The following ZNF718 variants were observed in gnomAD, a reference collection of about 807,000 sequenced individuals.
ZNF718 encodes the protein zinc finger protein 718.
Under a neutral mutation model 2.6 loss-of-function variants are expected in ZNF718, and 3 were observed. The observed-to-expected ratio is 1.16, with a 90% CI of 0.53 to 3.01. The LOEUF is 3.01. Ranked by LOEUF, ZNF718 falls within the 30% of genes most tolerant of loss-of-function variation. The probability of loss-of-function intolerance (pLI) is 0.03; values close to 1 mark genes in which losing one functional copy is unlikely to be tolerated. For missense variants in ZNF718, 468 were observed against 230.0 expected (o/e 2.03, Z -6.69); for synonymous variants, 135 against 77.9 (o/e 1.73, Z -3.86).
At chr4:185,369 TTTG>T (rs1490718414) in intron 3 of ZNF718, among the ~76,000 whole-genome samples, 1 of 152,182 alleles carries the variant, frequency 6.6e-6, no homozygotes, top group Non-Finnish European at 1.5e-5. Flanking sequence ...TGAGACACTG[TTTG>T]TTATGATTTT....
At chr4:192,887 C>T (rs946532981) in intron 3 of ZNF718, among the ~76,000 whole-genome samples, 2 of 152,190 alleles carry the variant, frequency 1.3e-5, no homozygotes, top group Non-Finnish European at 2.9e-5. Flanking sequence ...GCACACTTCA[C>T]AGGCCCTGAC....
At chr4:192,880 C>T (rs781916730) in intron 3 of ZNF718, among the ~76,000 whole-genome samples, 16 of 152,210 alleles carry the variant, frequency 1.1e-4, no homozygotes, top group East Asian at 1.9e-4. Context: ...TTCTTCAGCA[C>T]ACTTCACAGG....
chr4:136,452 C>G (rs576233631), intron 3 of ZNF718: 4 of 522,516 alleles, frequency 7.7e-6, no homozygotes, highest in South Asian at 2.8e-5. Flanking sequence ...GAGTTTGAGA[C>G]AGGTTGCAGA....
chr4:183,778 G>A (rs1717511653), intron 3 of ZNF718, among the ~76,000 whole-genome samples: 1 of 152,018 alleles, frequency 6.6e-6, no homozygotes, highest in African/African-American at 2.4e-5. Context: ...GTTATGAATG[G>A]GAGTTCATTA....
At chr4:142,095 G>T (rs1446228427) in intron 3 of ZNF718, 2 of 518,996 alleles carry the variant, frequency 3.9e-6, no homozygotes, top group East Asian at 1.1e-4. Context: ...TAGGTTAACG[G>T]GTTTTGATAA....
intron 3 of ZNF718, among the ~76,000 whole-genome samples, chr4:193,782 G>A (rs1270394734): frequency 6.6e-6 from 1 of 152,128 alleles, no homozygotes; most frequent in Admixed American, 6.5e-5. Context: ...GCTGGCACTT[G>A]CCCCAGGCAC....
intron 3 of ZNF718, among the ~76,000 whole-genome samples, chr4:188,031 G>A (rs956925531): frequency 2.6e-5 from 4 of 152,132 alleles, no homozygotes; most frequent in Admixed American, 2.0e-4. Context: ...GCCATGCCTC[G>A]ACAAAACAGC....
chr4:160,199 T>G (rs1195747677), intron 3 of ZNF718, among the ~76,000 whole-genome samples: 1 of 152,188 alleles, frequency 6.6e-6, no homozygotes, highest in Non-Finnish European at 1.5e-5. Flanking sequence ...AAACCAGAAG[T>G]AGGAATGCGT....
chr4:190,765 G>A (rs981274718), intron 3 of ZNF718, among the ~76,000 whole-genome samples: 1 of 152,050 alleles, frequency 6.6e-6, no homozygotes. Context: ...TTTCAACTGA[G>A]CGTGGTGGCT....
At chr4:193,032 G>C (rs955358554) in intron 3 of ZNF718, among the ~76,000 whole-genome samples, 1 of 152,158 alleles carries the variant, frequency 6.6e-6, no homozygotes, top group Non-Finnish European at 1.5e-5. Context: ...GCAGGCAAAA[G>C]TATTTTCCTT....
intron 3 of ZNF718, among the ~76,000 whole-genome samples, chr4:139,384 A>G (rs1347479083): frequency 6.6e-6 from 1 of 152,214 alleles, no homozygotes; most frequent in Admixed American, 6.5e-5. Context: ...AGACTCCCCC[A>G]TTATATTGAG....
intron 3 of ZNF718, among the ~76,000 whole-genome samples, chr4:194,544 C>T (rs868989118): frequency 3.3e-5 from 5 of 152,304 alleles, no homozygotes; most frequent in Admixed American, 2.6e-4. Flanking sequence ...TATCAGAGAT[C>T]GCCAAACTCT....
In ZNF718 at chr4:124,932, C is replaced by T. The variant is rs1715130784; in HGVS notation, c.3+259C>T. On this transcript the variant is annotated intron_variant, in intron 1 of 3. Transcript: ENST00000510175. The stretch of plus-strand genomic sequence containing the variant: ...AGTGAGTAGGAGCTCATCCGGAAGA[C>T]ACCGCGGCGGCCTGCGCGGTGCCGG... 1.2e-5 allele frequency: 5 copies of T among 424,646 alleles called. No homozygotes were observed. The South Asian group carries it at 1.3e-4, about 11-fold the overall frequency. The allele number at this position is 424,646 out of a possible 1,614,324, so 26.3% of individuals were successfully genotyped here.
chr4:158,013 T>G (rs1205330079), intron 3 of ZNF718, among the ~76,000 whole-genome samples: 1 of 152,216 alleles, frequency 6.6e-6, no homozygotes, highest in Non-Finnish European at 1.5e-5. Context: ...GAAACCCTAA[T>G]GTGAGATACA....
downstream of ZNF718, among the ~76,000 whole-genome samples, chr4:168,083 C>T (rs777304313): frequency 1.3e-5 from 2 of 152,024 alleles, no homozygotes; most frequent in Non-Finnish European, 2.9e-5. Context: ...TTTTCAAAGG[C>T]CTTTTCTGCA....
rs1308607345 is a variant in ZNF718, at chr4:169,271, C to A, written c.227-31810C>A. Among the ~76,000 whole-genome samples, 7 of 152,228 alleles carry A rather than the reference C, an allele frequency of 4.6e-5. No individual in the cohort carries two copies. In the East Asian group the frequency reaches 1.4e-3, roughly 29 times the overall value. The stretch of plus-strand genomic sequence containing the variant: ...TTGCTGAGGAGTGCTTTACTTCCAA[C>A]TATGTGGTCGATTTTGGAATAAGTG... On this transcript the variant is annotated intron_variant and NMD_transcript_variant, in intron 3 of 4. Coordinates refer to the ZNF718 transcript ENST00000642529.
intron 3 of ZNF718, 90 bp from the exon 4 acceptor site, chr4:160,822 A>T (rs1374613830): frequency 3.0e-6 from 2 of 657,680 alleles, no homozygotes; most frequent in African/African-American, 3.6e-5. Context: ...AACTGCTGGA[A>T]TTACTGGCTT....
chr4:179,173 C>A (rs1717407365), intron 3 of ZNF718, among the ~76,000 whole-genome samples: 1 of 152,076 alleles, frequency 6.6e-6, no homozygotes, highest in African/African-American at 2.4e-5. Flanking sequence ...GTCATGATAA[C>A]CTAGTAAAAA....
Position 124,591 on chromosome 4 carries a change from C to T in ZNF718, c.-80C>T, listed in dbSNP as rs1553807571. Reference sequence around the variant, plus strand: ...GGAAGCCTCGGTGATTCTGCCACAGCCTCAGCCTCTGTGGCTCTGTGACCT... The same window carrying T: ...GGAAGCCTCGGTGATTCTGCCACAGTCTCAGCCTCTGTGGCTCTGTGACCT... On this transcript the variant is annotated 5_prime_UTR_variant, in exon 1 of 4. Coordinates refer to ENST00000510175, the MANE Select transcript of ZNF718 (RefSeq NM_001039127.6). The T allele has an allele frequency of 1.3e-6, 2 of 1,574,796 alleles. No homozygotes were observed. Among genetic ancestry groups the T allele is most frequent in the African/African-American group, 1.3e-5 (1 of 74,322 alleles).
Sources: allele counts gnomAD v4.1 joint callset (sites outside exome capture counted in the v4.1 genomes callset), GRCh38; gene constraint gnomAD v4.1.1; transcripts MANE v1.5; gene names NCBI Gene and HGNC (gene_info 2026-07-23, HGNC 2026-07-21).